Variants in PLEKHH1 observed in about 807,000 individuals in gnomAD.
PLEKHH1 encodes pleckstrin homology, MyTH4 and FERM domain containing H1.
PLEKHH1 carries 104 observed loss-of-function variants against 160.0 expected under a neutral mutation model. The observed-to-expected ratio is 0.65, with a 90% CI of 0.55 to 0.76. PLEKHH1 has a LOEUF of 0.76. Among genes scored for constraint, PLEKHH1 ranks in the 30% least tolerant of loss-of-function variants. PLEKHH1 has a pLI of 0.00. For synonymous variants in PLEKHH1, 619 were observed against 678.4 expected (o/e 0.91, Z 1.36); for missense variants, 1,427 against 1,724.1 (o/e 0.83, Z 3.05).
At chr14:67,546,390 G>GT (rs1014131545) in intron 2 of PLEKHH1, among the ~76,000 whole-genome samples, 54 of 152,010 alleles carry the variant, frequency 3.6e-4, no homozygotes, top group African/African-American at 1.2e-3. Flanking sequence ...TGTGTTTTTT[G>GT]TTTTGTTTTT....
chr14:67,577,194 G>T, intron 17 of PLEKHH1, 108 bp from the exon 18 acceptor site: 1 of 747,598 alleles, frequency 1.3e-6, no homozygotes, highest in Non-Finnish European at 2.3e-6. Flanking sequence ...AAGTGTTGAC[G>T]GAAGATAAAC....
intron 4 of PLEKHH1, among the ~76,000 whole-genome samples, chr14:67,558,587 T>A (rs1038930327): frequency 6.6e-6 from 1 of 152,076 alleles, no homozygotes; most frequent in Non-Finnish European, 1.5e-5. Context: ...GCTCCTTAGG[T>A]CAGAAAAAAG....
rs2035465002 is a variant in PLEKHH1, at chr14:67,573,149, G to C, written c.1729-127G>C. On this transcript the variant is annotated intron_variant, in intron 11 of 28. Transcript: ENST00000329153. The surrounding 1 kb of genome is among the most constrained non-coding windows in gnomAD (Gnocchi z 4.8). ...TGGTACTCTGAAAATACACTGAGTA[G>C]GTACTCAATAATTTTGTATTTAATT... 3.1e-6 allele frequency: 2 copies of C among 641,822 alleles called. No homozygotes were observed. Among genetic ancestry groups the C allele is most frequent in the South Asian group, 3.6e-5 (2 of 56,170 alleles). The allele number at this position is 641,822 out of a possible 1,614,324, so 39.8% of individuals were successfully genotyped here. A position where few individuals can be genotyped will look rare whatever the true frequency, so the allele number is the denominator to read the frequency against.
intron 23 of PLEKHH1, 94 bp downstream of exon 23, chr14:67,581,132 G>A: frequency 2.5e-6 from 2 of 786,184 alleles, no homozygotes; most frequent in Non-Finnish European, 2.2e-6. Context: ...ATCCAGACGG[G>A]GGGAGGGACC....
At chr14:67,553,717 AT>A (rs898689066) in intron 2 of PLEKHH1, among the ~76,000 whole-genome samples, 1 of 152,168 alleles carries the variant, frequency 6.6e-6, no homozygotes, top group African/African-American at 2.4e-5. Context: ...CATAATATTG[AT>A]TTATGCTGTG....
rs781449415 is a variant in PLEKHH1 at position 67,574,310 on chromosome 14, A to T, written c.1995A>T (p.Arg665=). The part of the protein sequence containing the change: ...DSPSLLEEWI[R]VLQSLLKVQA... ...CCAGCCTGCTGGAGGAGTGGATCCGAGTACTCCAGAGCCTGCTGAAGGTGC... is the reference window on the plus strand; with the variant it reads ...CCAGCCTGCTGGAGGAGTGGATCCGTGTACTCCAGAGCCTGCTGAAGGTGC... The change falls in exon 14 of 29, where the codon CGA becomes CGT. Residue 665 remains arginine (R), a synonymous_variant. Coordinates refer to ENST00000329153, the MANE Select transcript of PLEKHH1 (RefSeq NM_020715.3). This position sits in a 1 kb window ranked among gnomAD's most constrained non-coding sequence, Gnocchi z 4.2. The T allele has an allele frequency of 1.2e-6, 2 of 1,606,294 alleles. No individual in the cohort carries two copies. The highest frequency in any genetic ancestry group is 8.5e-7 in the Non-Finnish European group (1 of 1,176,510).
Position 67,579,846 on chromosome 14 carries a change from C to T in PLEKHH1, c.3153C>T (p.Asp1051=). The T allele has an allele frequency of 6.2e-7, 1 of 1,605,824 alleles. No homozygotes were observed. The highest frequency in any genetic ancestry group is 8.5e-7 in the Non-Finnish European group (1 of 1,176,296). Residue 1051 remains aspartate (D), a synonymous_variant, in exon 22 of 29, where the codon GAC becomes GAT. Coordinates refer to ENST00000329153, the MANE Select transcript of PLEKHH1 (RefSeq NM_020715.3). ...ALFTDDPSGR[D]LEHCLQGSVK... The stretch of plus-strand genomic sequence containing the variant: ...TCACGGACGATCCCTCGGGCAGGGA[C>T]CTGGAGCACTGCCTGCAGGGAAGTG...
At chr14:67,554,453 TGGCTGGGATGCAACGCCTCTG>T (rs2034516797) in intron 2 of PLEKHH1, among the ~76,000 whole-genome samples, 1 of 151,988 alleles carries the variant, frequency 6.6e-6, no homozygotes, top group Non-Finnish European at 1.5e-5. Flanking sequence ...GTGGAAGGCG[TGGCTGGGATGCAACGCCTCTG>T]GGACATGTAT....
chr14:67,557,020 C>T (rs1195430792), intron 3 of PLEKHH1, among the ~76,000 whole-genome samples: 1 of 152,220 alleles, frequency 6.6e-6, no homozygotes, highest in Non-Finnish European at 1.5e-5. Context: ...GTCTCCTCTG[C>T]CCTCCTCTTA....
intron 7 of PLEKHH1, among the ~76,000 whole-genome samples, chr14:67,568,423 C>T (rs2035211193): frequency 6.6e-6 from 1 of 151,998 alleles, no homozygotes; most frequent in Admixed American, 6.6e-5. Context: ...GGGAGGGGAA[C>T]ATACTTAGTG....
chr14:67,562,200 C>T lies in PLEKHH1; in HGVS notation c.569C>T (p.Ser190Phe). 2 of 1,611,602 alleles carry T rather than the reference C, an allele frequency of 1.2e-6. No individual in the cohort carries two copies. The highest frequency in any genetic ancestry group is 2.7e-5 in the African/African-American group (2 of 75,028). Reference protein sequence around the residue: ...VPPYGAAEQDSVPSEPGIQPM... With the variant: ...VPPYGAAEQDFVPSEPGIQPM... ...CCCTACGGAGCTGCAGAGCAGGATTCTGTCCCTTCAGAGCCGGGAATCCAG... is the reference window on the plus strand; with the variant it reads ...CCCTACGGAGCTGCAGAGCAGGATTTTGTCCCTTCAGAGCCGGGAATCCAG... The change falls in exon 7 of 29, where the codon TCT becomes TTT. Residue 190 changes from serine (S) to phenylalanine (F), a missense_variant. Ser to Phe is a radical substitution (Grantham distance 155, BLOSUM62 -2). Around this residue, in one of 6 missense-constraint regions of PLEKHH1, gnomAD observed 831 missense variants for 929.2 expected, o/e 0.89. Coordinates refer to ENST00000329153, the MANE Select transcript of PLEKHH1 (RefSeq NM_020715.3).
Position 67,587,253 on chromosome 14 carries a change from T to C in PLEKHH1, c.*18T>C. 1.2e-6 allele frequency: 2 copies of C among 1,613,226 alleles called. No individual in the cohort carries two copies. Among genetic ancestry groups the C allele is most frequent in the African/African-American group, 1.3e-5 (1 of 75,020 alleles). ...TGCTGTGAATATTTCTCCTACCCGA[T>C]TCCCCAACACCACTAGTGCCTCTGG... On this transcript the variant is annotated 3_prime_UTR_variant, in exon 29 of 29. Coordinates refer to ENST00000329153, the MANE Select transcript of PLEKHH1 (RefSeq NM_020715.3).
intron 7 of PLEKHH1, among the ~76,000 whole-genome samples, chr14:67,567,230 C>T (rs1479739701): frequency 6.6e-6 from 1 of 152,154 alleles, no homozygotes; most frequent in East Asian, 1.9e-4. Flanking sequence ...GGGCAGTAAC[C>T]ATCTGGGGAG....
chr14:67,539,975 C>G (rs372617112), intron 1 of PLEKHH1, among the ~76,000 whole-genome samples: 1 of 152,072 alleles, frequency 6.6e-6, no homozygotes, highest in Non-Finnish European at 1.5e-5. Flanking sequence ...GGGAGAAGCA[C>G]GATTGGTGAT....
At chr14:67,564,003 G>A (rs1226488883) in intron 7 of PLEKHH1, among the ~76,000 whole-genome samples, 4 of 150,634 alleles carry the variant, frequency 2.7e-5, no homozygotes, top group Non-Finnish European at 5.9e-5. Context: ...CCAGTTTCAC[G>A]CCATTTTCCT....
Position 67,575,976 on chromosome 14 carries a change from T to TA in PLEKHH1, c.2324dup (p.Tyr775Ter). ...VIHPTEHSPT[Y>*]LLIGTKHEKD... ...CCACCCCACAGAGCACAGCCCCACCTACCTCCTCATTGGCACCAAGCATGA... is the reference window on the plus strand; with the variant it reads ...CCACCCCACAGAGCACAGCCCCACCTAACCTCCTCATTGGCACCAAGCATGA... The change falls in exon 16 of 29, where the codon TAC becomes TAAC. Residue 775 changes from tyrosine (Y) to a stop codon, truncating the protein, a stop_gained and frameshift_variant. Coordinates refer to ENST00000329153, the MANE Select transcript of PLEKHH1 (RefSeq NM_020715.3). LOFTEE classifies it high-confidence loss of function. 1 of 1,613,402 alleles carries TA rather than the reference T, an allele frequency of 6.2e-7. No homozygotes were observed. Among genetic ancestry groups the TA allele is most frequent in the Non-Finnish European group, 8.5e-7 (1 of 1,179,470 alleles).
intron 27 of PLEKHH1, 86 bp downstream of exon 27, chr14:67,585,740 C>T (rs1030598108): frequency 5.3e-6 from 6 of 1,138,472 alleles, no homozygotes; most frequent in Non-Finnish European, 6.4e-6. Flanking sequence ...AAAGCCTGAA[C>T]CAAGTGACCA....
Position 67,569,215 on chromosome 14 carries a change from C to G in PLEKHH1, c.1341C>G (p.Cys447Trp), listed in dbSNP as rs368926841. The change falls in exon 8 of 29, where the codon TGC (cysteine) becomes TGG (tryptophan). Residue 447 changes from cysteine (C) to tryptophan (W), a missense_variant and splice_region_variant. Coordinates refer to ENST00000329153, the MANE Select transcript of PLEKHH1 (RefSeq NM_020715.3). ...DMSPRSNTAC[C>W]ASSPPALVSP... ...CTCCCAGAAGTAATACTGCATGCTG[C>G]GGTGAGTTCCAAGTGAGGCTTGGAG... 4.4e-6 allele frequency: 7 copies of G among 1,607,332 alleles called. No homozygotes were observed. In the South Asian group the frequency reaches 5.5e-5, roughly 13 times the overall value.
At chr14:67,535,333 T>G (rs988694250) in intron 1 of PLEKHH1, among the ~76,000 whole-genome samples, 13 of 146,180 alleles carry the variant, frequency 8.9e-5, no homozygotes, top group Admixed American at 2.7e-4. Flanking sequence ...TGACCTCCTC[T>G]CCAGATCTCC....
Sources: gnomAD v4.1 joint callset for allele counts (sites outside exome capture counted in the v4.1 genomes callset) on GRCh38, gnomAD v4.1.1 for gene constraint, gnomAD v4.1.1 regional missense constraint, Gnocchi (gnomAD v3.1) non-coding constraint, MANE v1.5 for transcripts, NCBI Gene and HGNC (gene_info 2026-07-23, HGNC 2026-07-21) for gene names.